The following FBXL18 variants were observed in gnomAD, a reference collection of about 807,000 sequenced individuals.
The protein encoded by FBXL18 is F-box/LRR-repeat protein 18.
Under a neutral mutation model 46.0 loss-of-function variants are expected in FBXL18, and 36 were observed. That is an observed-to-expected ratio of 0.78 (90% CI 0.60 to 1.03). The LOEUF is 1.03. Ranked by LOEUF, FBXL18 falls within the 50% of genes least tolerant of loss-of-function variation. FBXL18 has a pLI of 0.00. For synonymous variants in FBXL18, 557 were observed against 465.3 expected, an observed-to-expected ratio of 1.20 and a Z score of -2.54; for missense variants, 977 against 1,004.1, an observed-to-expected ratio of 0.97 and a Z score of 0.36.
Position 5,489,464 on chromosome 7 carries a change from G to A in FBXL18, c.2000+1767C>T, listed in dbSNP as rs145601665. The A allele has an allele frequency of 2.1e-4, 82 of 390,386 alleles. 1 individual carries two copies. Among genetic ancestry groups the A allele is most frequent in the East Asian group, 1.7e-3 (28 of 16,018 alleles). The allele number at this position is 390,386 out of a possible 1,614,324, so 24.2% of individuals were successfully genotyped here. On this transcript the variant is annotated intron_variant, in intron 4 of 4. Coordinates refer to ENST00000382368, the MANE Select transcript of FBXL18 (RefSeq NM_024963.6). ...AGCCTGGGCAACATGATGAAACCCCGTCTCTACTAAAAATACAAAAATTAG... is the reference window on the plus strand; with the variant it reads ...AGCCTGGGCAACATGATGAAACCCCATCTCTACTAAAAATACAAAAATTAG...
intron 2 of FBXL18, among the ~76,000 whole-genome samples, chr7:5,502,335 G>A (rs1452384343): frequency 3.9e-5 from 6 of 152,176 alleles, no homozygotes; most frequent in Non-Finnish European, 1.5e-5. Flanking sequence ...AGGAGTTCGA[G>A]ACCAGCCTGG....
In FBXL18 at chr7:5,455,679, G is replaced by A. The variant is rs917501966; in HGVS notation, c.2001-7836C>T. ...TCCCCGCAGGGGGGCTCAAACCCAG[G>A]CTGTGAATTCGGGGAAGTGGGAAAC... is the stretch of plus-strand genomic sequence containing the variant. On this transcript the variant is annotated intron_variant and NMD_transcript_variant, in intron 4 of 6. Transcript: ENST00000415009. The surrounding 1 kb of genome is among the most constrained non-coding windows in gnomAD (Gnocchi z 4.6). Among the ~76,000 whole-genome samples the A allele has an allele frequency of 6.6e-6, 1 of 152,014 alleles. No homozygotes were observed. Among genetic ancestry groups the A allele is most frequent in the Admixed American group, 6.6e-5 (1 of 15,254 alleles).
chr7:5,474,434 C>A (rs894006045), downstream of FBXL18, among the ~76,000 whole-genome samples: 11 of 151,122 alleles, frequency 7.3e-5, no homozygotes, highest in Non-Finnish European at 1.2e-4. Context: ...TCAGCCTCCC[C>A]CTAAGTAGCT....
intron 4 of FBXL18, among the ~76,000 whole-genome samples, chr7:5,456,411 C>T (rs957051468): frequency 2.6e-5 from 4 of 152,184 alleles, no homozygotes; most frequent in African/African-American, 9.7e-5. Context: ...ACGATGTGCT[C>T]GCACAGAAAC....
rs374330411 is a variant in FBXL18 at position 5,513,777 on chromosome 7, G to C, written c.-103C>G. 6.7e-7 allele frequency: 1 copy of C among 1,482,254 alleles called. No individual in the cohort carries two copies. The highest frequency in any genetic ancestry group is 9.1e-7 in the Non-Finnish European group (1 of 1,099,246). 91.8% of individuals were successfully genotyped at this position (1,482,254 alleles called of 1,614,324 possible). ...GCCGGCGCGTCCACCGCTCAACCGAGACCCCGGCAAGGAGCGGGCTCTCGT... is the reference window on the plus strand; with the variant it reads ...GCCGGCGCGTCCACCGCTCAACCGACACCCCGGCAAGGAGCGGGCTCTCGT... On this transcript the variant is annotated 5_prime_UTR_variant, in exon 1 of 5. Coordinates refer to ENST00000382368, the MANE Select transcript of FBXL18 (RefSeq NM_024963.6).
intron 4 of FBXL18, among the ~76,000 whole-genome samples, chr7:5,467,175 C>A (rs1242620382): frequency 1.3e-5 from 2 of 152,274 alleles, no homozygotes; most frequent in East Asian, 3.9e-4. Flanking sequence ...CACAGTGAAA[C>A]CCCGTCTCTA....
intron 1 of FBXL18, among the ~76,000 whole-genome samples, chr7:5,509,745 C>A (rs989952436): frequency 1.1e-4 from 17 of 151,510 alleles, no homozygotes; most frequent in Non-Finnish European, 1.9e-4. Context: ...AGGCCAGACC[C>A]CTGATGCAAT....
In FBXL18 at chr7:5,505,616, A is replaced by G. The variant is rs1463932391; in HGVS notation, c.33T>C (p.Asp11=). The change falls in exon 2 of 5, where the codon GAT becomes GAC. Residue 11 remains aspartate, a synonymous_variant. Coordinates refer to ENST00000382368, the MANE Select transcript of FBXL18 (RefSeq NM_024963.6). MASSGEDISN[D]DDDMHPAAAG... is the part of the protein sequence containing the mutation. ...CTGCTGCAGGGTGCATGTCATCATCATCATTGGATATGTCCTGAAAATAAG... is the reference window on the plus strand; with the variant it reads ...CTGCTGCAGGGTGCATGTCATCATCGTCATTGGATATGTCCTGAAAATAAG... 24 of 1,613,744 alleles carry G rather than the reference A, an allele frequency of 1.5e-5. No individual in the cohort carries two copies. The highest frequency in any genetic ancestry group is 1.9e-5 in the Non-Finnish European group (23 of 1,179,900).
intron 1 of FBXL18, among the ~76,000 whole-genome samples, chr7:5,512,087 A>C (rs931671677): frequency 1.4e-5 from 2 of 147,884 alleles, no homozygotes; most frequent in African/African-American, 2.5e-5. Context: ...AAAAAAAAAA[A>C]CCAAAAAATT....
rs879772448 is a variant in FBXL18 at position 5,458,581 on chromosome 7, C to T, written c.2001-10738G>A. On this transcript the variant is annotated intron_variant and NMD_transcript_variant, in intron 4 of 6. Coordinates refer to the FBXL18 transcript ENST00000415009. The stretch of plus-strand genomic sequence containing the variant: ...GGCATTGTGGCGTCCACCTGTAATC[C>T]GAGCTACTCAAGAGGCTGAGGCAGG... Among the ~76,000 whole-genome samples the T allele has an allele frequency of 6.6e-5, 10 of 152,038 alleles. 1 individual carries two copies. Among genetic ancestry groups the T allele is most frequent in the Non-Finnish European group, 1.5e-4 (10 of 68,010 alleles).
At position 5,501,483 on chromosome 7, in the gene FBXL18, G is replaced by C. The variant is rs770190023; in HGVS notation, c.786C>G (p.Leu262=). The change falls in exon 3 of 5, where the codon CTC becomes CTG. Residue 262 remains leucine (L), a synonymous_variant. Transcript: ENST00000382368. The part of the protein sequence containing the change: ...AVLSDRTPQN[L]HAFLISVPGS... ...CAGGGACGGAGATGAGGAAGGCGTG[G>C]AGGTTCTGAGGAGTGCGGTCGCTAA... 6.2e-7 allele frequency: 1 copy of C among 1,613,808 alleles called. No homozygotes were observed. The highest frequency in any genetic ancestry group is 8.5e-7 in the Non-Finnish European group (1 of 1,180,046).
chr7:5,488,298 G>C (rs536813748), intron 4 of FBXL18, among the ~76,000 whole-genome samples: 1 of 152,230 alleles, frequency 6.6e-6, no homozygotes, highest in Non-Finnish European at 1.5e-5. Flanking sequence ...CTGGCATCCG[G>C]TGCCACGTCC....
intron 4 of FBXL18, among the ~76,000 whole-genome samples, chr7:5,490,413 G>A (rs776907472): frequency 5.3e-5 from 8 of 152,352 alleles, no homozygotes; most frequent in Non-Finnish European, 8.8e-5. Flanking sequence ...AATTCTAGGT[G>A]CTCACCTGAC....
chr7:5,498,536 T>C (rs1192743139), intron 3 of FBXL18, among the ~76,000 whole-genome samples: 1 of 152,220 alleles, frequency 6.6e-6, no homozygotes. Flanking sequence ...ATTACAGGCG[T>C]GAGCCGCCAC....
chr7:5,497,940 C>T lies in FBXL18; in HGVS notation c.1781+2548G>A, dbSNP rs529512630. On this transcript the variant is annotated intron_variant, in intron 3 of 4. Transcript: ENST00000382368. ...TGACTTCATGTACCCGCAACCCACC[C>T]CACCAGCTAAGGACTCACAGAGACA... Among the ~76,000 whole-genome samples the T allele has an allele frequency of 3.3e-5, 5 of 152,234 alleles. No individual in the cohort carries two copies. In the East Asian group the frequency reaches 7.7e-4, roughly 24 times the overall value.
chr7:5,501,263 T>A lies in FBXL18; in HGVS notation c.1006A>T (p.Ile336Phe), dbSNP rs779083214. ...LSGGHLIQQV[I>F]NGGKDLRSLA... The stretch of plus-strand genomic sequence containing the variant: ...CTCCGCAGGTCCTTCCCGCCGTTGA[T>A]GACCTGCTGGATCAGATGGCCGCCT... Residue 336 changes from isoleucine (I) to phenylalanine (F), a missense_variant, in exon 3 of 5, where the codon ATC becomes TTC. Physicochemically the swap from Ile to Phe is conservative, Grantham distance 21 (BLOSUM62 0). Coordinates refer to ENST00000382368, the MANE Select transcript of FBXL18 (RefSeq NM_024963.6). 2.9e-5 allele frequency: 47 copies of A among 1,613,974 alleles called. No individual in the cohort carries two copies. Among genetic ancestry groups the A allele is most frequent in the Admixed American group, 6.7e-5 (4 of 59,996 alleles).
intron 4 of FBXL18, among the ~76,000 whole-genome samples, chr7:5,484,984 G>A (rs1030719547): frequency 1.3e-5 from 2 of 152,102 alleles, no homozygotes; most frequent in African/African-American, 4.8e-5. Context: ...ATCTCACCAT[G>A]TTGCCCAGCC....
downstream of FBXL18, among the ~76,000 whole-genome samples, chr7:5,471,358 C>G (rs1169948715): frequency 1.3e-5 from 2 of 152,144 alleles, no homozygotes; most frequent in Admixed American, 1.3e-4. Context: ...CTCACTACAA[C>G]CTCCGCCTCC....
Position 5,455,759 on chromosome 7 carries a change from CACAA to C in FBXL18, c.2001-7920_2001-7917del, listed in dbSNP as rs1233248828. ...CTCCCCCCCACCCCCACTACACACA[CACAA>C]ACACACACACACACACACACACACC... On this transcript the variant is annotated intron_variant and NMD_transcript_variant, in intron 4 of 6. Transcript: ENST00000415009. The surrounding 1 kb of genome is among the most constrained non-coding windows in gnomAD (Gnocchi z 4.6). 4.9e-5 allele frequency among the ~76,000 whole-genome samples: 7 copies of C among 142,252 alleles called. No individual in the cohort carries two copies. In the East Asian group the frequency reaches 1.0e-3, roughly 20 times the overall value. The allele number at this position is 142,252 out of a possible 152,430, so 93.3% of individuals were successfully genotyped here. A position where few individuals can be genotyped will look rare whatever the true frequency, so the allele number is the denominator to read the frequency against.
Sources: allele counts gnomAD v4.1 joint callset (sites outside exome capture counted in the v4.1 genomes callset), GRCh38; gene constraint gnomAD v4.1.1; non-coding constraint Gnocchi (gnomAD v3.1); transcripts MANE v1.5; gene names NCBI Gene and HGNC (gene_info 2026-07-23, HGNC 2026-07-21).